The following PACS2 variants were observed in gnomAD, a reference collection of about 807,000 sequenced individuals.
PACS2 encodes PACS1-like protein.
In PACS2, 36 loss-of-function variants were observed where a neutral mutation model predicts 113.0. That is an observed-to-expected ratio of 0.32 (90% CI 0.24 to 0.42). The LOEUF is 0.42. Ranked by LOEUF, PACS2 falls within the 10% of genes least tolerant of loss-of-function variation. The probability of loss-of-function intolerance (pLI) is 1.00; values close to 1 mark genes in which losing one functional copy is unlikely to be tolerated. For synonymous variants in PACS2, 589 were observed against 536.1 expected, an observed-to-expected ratio of 1.10 and a Z score of -1.36; for missense variants, 1,015 against 1,239.5, an observed-to-expected ratio of 0.82 and a Z score of 2.72.
In PACS2 at chr14:105,354,303, T is replaced by C. The variant is rs1555404850; in HGVS notation, c.298-749T>C. Among the ~76,000 whole-genome samples, 2 of 152,040 alleles carry C rather than the reference T, an allele frequency of 1.3e-5. No individual in the cohort carries two copies. Among genetic ancestry groups the C allele is most frequent in the Non-Finnish European group, 2.9e-5 (2 of 67,984 alleles). On this transcript the variant is annotated intron_variant, in intron 3 of 24. Transcript: ENST00000447393. The surrounding 1 kb of genome is among the most constrained non-coding windows in gnomAD (Gnocchi z 4.2). Reference sequence around the variant, plus strand: ...TTTTTGTAGAGATGGGGTTTTGCCATGTTGGCTAGGGTGGTCTCGAACTCC... The same window carrying C: ...TTTTTGTAGAGATGGGGTTTTGCCACGTTGGCTAGGGTGGTCTCGAACTCC...
intron 11 of PACS2, 28 bp downstream of exon 11, chr14:105,380,182 G>T (rs369534058): frequency 6.5e-7 from 1 of 1,533,696 alleles, no homozygotes; most frequent in Non-Finnish European, 8.8e-7. Flanking sequence ...GCACCCACCC[G>T]TTCCACACAT....
At chr14:105,349,776 C>A (rs1378232390) in intron 2 of PACS2, among the ~76,000 whole-genome samples, 1 of 152,264 alleles carries the variant, frequency 6.6e-6, no homozygotes, top group Non-Finnish European at 1.5e-5. Flanking sequence ...GGTGGTGGGG[C>A]CTTGCCCCAG....
At position 105,323,461 on chromosome 14, in the gene PACS2, C is replaced by T. The variant is rs1381594971; in HGVS notation, c.119+8424C>T. 3.9e-5 allele frequency among the ~76,000 whole-genome samples: 6 copies of T among 152,346 alleles called. No individual in the cohort carries two copies. The highest frequency in any genetic ancestry group is 4.1e-4 in the South Asian group (2 of 4,824). ...GCCAGCCTGCACGAGACTCTCACGGCGGGACCCTGTCTGCCTTGCTCGGTG... is the reference window on the plus strand; with the variant it reads ...GCCAGCCTGCACGAGACTCTCACGGTGGGACCCTGTCTGCCTTGCTCGGTG... On this transcript the variant is annotated intron_variant, in intron 1 of 24. Coordinates refer to ENST00000447393, the MANE Select transcript of PACS2 (RefSeq NM_001100913.3). This position sits in a 1 kb window ranked among gnomAD's most constrained non-coding sequence, Gnocchi z 4.1.
rs950264599 is a variant in PACS2, at chr14:105,366,551, C to T, written c.424-662C>T. Among the ~76,000 whole-genome samples, 1 of 152,132 alleles carries T rather than the reference C, an allele frequency of 6.6e-6. No individual in the cohort carries two copies. Among genetic ancestry groups the T allele is most frequent in the Non-Finnish European group, 1.5e-5 (1 of 68,020 alleles). On this transcript the variant is annotated intron_variant, in intron 4 of 24. Coordinates refer to ENST00000447393, the MANE Select transcript of PACS2 (RefSeq NM_001100913.3). The surrounding 1 kb of genome is among the most constrained non-coding windows in gnomAD (Gnocchi z 4.3). ...TACAGGTCGTGGCTGCAGGAGGGGC[C>T]GGGGCTTGTTCTGCAGCTCCGTGGT...
chr14:105,373,033 G>T (rs981266671), intron 8 of PACS2: 1 of 152,194 alleles, frequency 6.6e-6, no homozygotes, highest in Non-Finnish European at 1.5e-5. Flanking sequence ...TTTTTAAAAT[G>T]AGTAAGACTC....
At chr14:105,316,304 C>T (rs780293944) in intron 1 of PACS2, among the ~76,000 whole-genome samples, 1 of 152,254 alleles carries the variant, frequency 6.6e-6, no homozygotes, top group Non-Finnish European at 1.5e-5. Context: ...GCTTGCCTCT[C>T]TTCTGGGAAG....
chr14:105,382,111 G>C, intron 13 of PACS2, 53 bp downstream of exon 13: 1 of 1,511,140 alleles, frequency 6.6e-7, no homozygotes, highest in South Asian at 1.3e-5. Context: ...GGTCACCCTG[G>C]CACCAACCAG....
chr14:105,304,083 G>A (rs1336181512), intron 1 of PACS2, among the ~76,000 whole-genome samples: 1 of 152,206 alleles, frequency 6.6e-6, no homozygotes, highest in Non-Finnish European at 1.5e-5. Flanking sequence ...TGCCTCCCAG[G>A]CCACAGCGGT....
intron 9 of PACS2, 62 bp from the exon 10 acceptor site, chr14:105,379,677 G>A (rs899731902): frequency 2.2e-6 from 3 of 1,349,126 alleles, no homozygotes; most frequent in Admixed American, 3.4e-5. Context: ...GGAGAACTGC[G>A]CTTTCAGTGC....
chr14:105,361,231 C>T (rs2060666041), intron 4 of PACS2, among the ~76,000 whole-genome samples: 1 of 152,262 alleles, frequency 6.6e-6, no homozygotes, highest in African/African-American at 2.4e-5. Context: ...CAGTGGCTCA[C>T]ACCTGTCATC....
chr14:105,345,165 T>C (rs1421818696), intron 1 of PACS2, among the ~76,000 whole-genome samples: 1 of 151,882 alleles, frequency 6.6e-6, no homozygotes, highest in Non-Finnish European at 1.5e-5. Flanking sequence ...CCCAGCACTT[T>C]GGGAGGCCAA....
At position 105,329,534 on chromosome 14, in the gene PACS2, T is replaced by C. The variant is rs1201482638; in HGVS notation, c.119+14497T>C. ...AGGATGCTCTAGATCCTTGGGCTCA[T>C]GGGGCAGTAGAGTGGGGGGCTGTGG... is the stretch of plus-strand genomic sequence containing the variant. On this transcript the variant is annotated intron_variant, in intron 1 of 24. Transcript: ENST00000447393. This position sits in a 1 kb window ranked among gnomAD's most constrained non-coding sequence, Gnocchi z 6.4. Among the ~76,000 whole-genome samples, 1 of 151,976 alleles carries C rather than the reference T, an allele frequency of 6.6e-6. No individual in the cohort carries two copies.
At chr14:105,389,663 G>C (rs587598619) in intron 19 of PACS2, 1 of 451,432 alleles carries the variant, frequency 2.2e-6, no homozygotes, top group Non-Finnish European at 4.1e-6. Context: ...GAATCCCTCC[G>C]TGGAGCTGTG....
rs367841716 is a variant in PACS2, at chr14:105,367,421, C to T, written c.586+46C>T. 2.5e-6 allele frequency: 4 copies of T among 1,585,744 alleles called. No homozygotes were observed. In the African/African-American group the frequency reaches 5.4e-5, roughly 21 times the overall value. On this transcript the variant is annotated intron_variant, in intron 5 of 24. Transcript: ENST00000447393. ...CTCCTGCCCCTGCTGTGGGGAGGCC[C>T]TGCCTTCCAGCCATGGCACATCGGG... is the stretch of plus-strand genomic sequence containing the variant.
upstream of PACS2, among the ~76,000 whole-genome samples, chr14:105,312,006 G>A (rs2058362611): frequency 6.6e-6 from 1 of 152,234 alleles, no homozygotes; most frequent in Admixed American, 6.5e-5. Context: ...AAGGAGTAGG[G>A]GCGCTGTGGG....
At chr14:105,325,658 G>A (rs1386307008) in intron 1 of PACS2, among the ~76,000 whole-genome samples, 46 of 152,252 alleles carry the variant, frequency 3.0e-4, no homozygotes, top group Non-Finnish European at 8.8e-5. Flanking sequence ...TCCCCAGGAT[G>A]CCTTTCATCT....
chr14:105,336,964 T>C (rs879984972), intron 1 of PACS2, among the ~76,000 whole-genome samples: 15 of 152,200 alleles, frequency 9.9e-5, no homozygotes, highest in Non-Finnish European at 2.2e-4. Flanking sequence ...TCACGGTGAC[T>C]GCGTGATGGA....
At chr14:105,327,118 A>T (rs1401869718) in intron 1 of PACS2, among the ~76,000 whole-genome samples, 1 of 152,116 alleles carries the variant, frequency 6.6e-6, no homozygotes, top group African/African-American at 2.4e-5. Context: ...CTCCTGCGGG[A>T]GGTGTCAGCT....
intron 1 of PACS2, among the ~76,000 whole-genome samples, chr14:105,303,738 G>T (rs890366123): frequency 3.3e-4 from 51 of 152,266 alleles, no homozygotes; most frequent in African/African-American, 1.2e-3. Flanking sequence ...GGATCCAAGG[G>T]TTATTAGGAA....
Sources: allele counts gnomAD v4.1 joint callset (sites outside exome capture counted in the v4.1 genomes callset), GRCh38; gene constraint gnomAD v4.1.1; non-coding constraint Gnocchi (gnomAD v3.1); transcripts MANE v1.5; gene names NCBI Gene and HGNC (gene_info 2026-07-23, HGNC 2026-07-21).